The following DAB1 variants were observed in gnomAD, a reference collection of about 807,000 sequenced individuals.
DAB1 encodes the protein DAB adaptor protein 1, also known as disabled homolog 1.
A neutral mutation model predicts 64.6 loss-of-function variants in DAB1; 15 were observed. That is an observed-to-expected ratio of 0.23 (90% CI 0.16 to 0.36). The LOEUF (loss-of-function observed/expected upper bound fraction) is 0.36. DAB1 is among the 10% of genes least tolerant of loss of function. DAB1 has a pLI of 1.00. For missense variants in DAB1, 596 were observed against 706.7 expected, an observed-to-expected ratio of 0.84 and a Z score of 1.78; for synonymous variants, 235 against 251.9, an observed-to-expected ratio of 0.93 and a Z score of 0.64.
At chr1:57,166,899 T>C (rs184873091) in intron 2 of DAB1, among the ~76,000 whole-genome samples, 33 of 152,306 alleles carry the variant, frequency 2.2e-4, no homozygotes, top group African/African-American at 5.5e-4. Context: ...TGCTTTCAAA[T>C]GTGCCTGTCT....
chr1:57,046,147 G>T (rs892412902), intron 9 of DAB1, among the ~76,000 whole-genome samples: 5 of 152,200 alleles, frequency 3.3e-5, no homozygotes, highest in Admixed American at 6.5e-5. Context: ...ATAGATGCAA[G>T]CCTTACAAAA....
At chr1:58,292,494 G>T (rs1485999781) in intron 4 of DAB1, among the ~76,000 whole-genome samples, 1 of 152,094 alleles carries the variant, frequency 6.6e-6, no homozygotes, top group East Asian at 1.9e-4. Context: ...TGATAATACA[G>T]AAATAAAAAG....
chr1:57,882,100 CA>C (rs1368579539), intron 1 of DAB1, among the ~76,000 whole-genome samples: 1 of 152,004 alleles, frequency 6.6e-6, no homozygotes, highest in Non-Finnish European at 1.5e-5. Flanking sequence ...TTGTGCCACA[CA>C]GAATAGACAA....
chr1:57,666,896 G>A lies in DAB1; in HGVS notation n.552-17231C>T, dbSNP rs139965275. Among the ~76,000 whole-genome samples the A allele has an allele frequency of 2.2e-3, 335 of 151,042 alleles. 1 individual carries two copies. Among genetic ancestry groups the A allele is most frequent in the African/African-American group, 7.3e-3 (301 of 41,204 alleles). On this transcript the variant is annotated intron_variant and non_coding_transcript_variant, in intron 6 of 20. Coordinates refer to the DAB1 transcript ENST00000485760. ...GGAGGGGGAAGGGGAGAGGGAAGGG[G>A]AGGGGGAGAGAGAGAGGGAGAGGGA... is the stretch of plus-strand genomic sequence containing the variant.
At chr1:58,374,807 C>A (rs1453776942) in intron 3 of DAB1, among the ~76,000 whole-genome samples, 1 of 138,234 alleles carries the variant, frequency 7.2e-6, no homozygotes, top group Non-Finnish European at 1.6e-5. Context: ...TCTTCCTACC[C>A]ATGAGCATGG....
intron 7 of DAB1, among the ~76,000 whole-genome samples, chr1:57,558,407 C>T (rs905290690): frequency 1.2e-4 from 19 of 152,246 alleles, no homozygotes; most frequent in Non-Finnish European, 1.8e-4. Context: ...AAAGTCCCAG[C>T]GGGCCCCTAG....
At chr1:57,516,188 C>A (rs933627396) in intron 7 of DAB1, among the ~76,000 whole-genome samples, 1 of 152,124 alleles carries the variant, frequency 6.6e-6, no homozygotes, top group Non-Finnish European at 1.5e-5. Context: ...TCAGAAAAAA[C>A]ACTGCAGACA....
chr1:57,045,842 G>A (rs1648412761), intron 9 of DAB1, among the ~76,000 whole-genome samples: 1 of 152,194 alleles, frequency 6.6e-6, no homozygotes, highest in Non-Finnish European at 1.5e-5. Context: ...ATAACGATAT[G>A]CTGACAGAAC....
At chr1:57,387,227 G>T (rs74995398) in intron 1 of DAB1, 1 of 152,138 alleles carries the variant, frequency 6.6e-6, no homozygotes, top group African/African-American at 2.4e-5. Flanking sequence ...ATAAACTAGT[G>T]TGAGGATTAA....
At chr1:57,331,143 T>C (rs1488063705) in intron 1 of DAB1, among the ~76,000 whole-genome samples, 1 of 152,196 alleles carries the variant, frequency 6.6e-6, no homozygotes, top group Non-Finnish European at 1.5e-5. Context: ...TGCTATATTG[T>C]ATTTTTTTTG....
chr1:58,252,267 C>G (rs1660819965), intron 4 of DAB1, among the ~76,000 whole-genome samples: 1 of 152,172 alleles, frequency 6.6e-6, no homozygotes, highest in Admixed American at 6.5e-5. Flanking sequence ...AAAAGCTTCT[C>G]TCAGCATCTG....
chr1:58,490,734 A>G (rs1645666678), intron 3 of DAB1, among the ~76,000 whole-genome samples: 1 of 149,838 alleles, frequency 6.7e-6, no homozygotes, highest in South Asian at 2.1e-4. Flanking sequence ...TCAGACTAAC[A>G]GCGGATCTCT....
chr1:58,432,114 C>T (rs1051133416), intron 3 of DAB1, among the ~76,000 whole-genome samples: 20 of 152,158 alleles, frequency 1.3e-4, no homozygotes, highest in Admixed American at 1.1e-3. Flanking sequence ...CTTGGTTCCA[C>T]CGGCTCCTCC....
intron 6 of DAB1, among the ~76,000 whole-genome samples, chr1:57,760,431 T>C (rs1569598595): frequency 6.6e-6 from 1 of 152,114 alleles, no homozygotes; most frequent in Non-Finnish European, 1.5e-5. Context: ...TGTGGTAACT[T>C]CTGGAAACAG....
intron 3 of DAB1, among the ~76,000 whole-genome samples, chr1:58,423,377 C>T (rs975267569): frequency 2.0e-5 from 3 of 152,160 alleles, no homozygotes; most frequent in Admixed American, 1.3e-4. Context: ...AGCTGGATGG[C>T]ATTTCCTCCT....
intron 5 of DAB1, among the ~76,000 whole-genome samples, chr1:58,061,014 C>G (rs914049003): frequency 6.6e-6 from 1 of 152,184 alleles, no homozygotes; most frequent in African/African-American, 2.4e-5. Context: ...CCTGGGTCCT[C>G]AGGGCCTCCA....
At chr1:57,957,635 G>T (rs975579183) in intron 5 of DAB1, among the ~76,000 whole-genome samples, 8 of 152,278 alleles carry the variant, frequency 5.3e-5, no homozygotes, top group Non-Finnish European at 8.8e-5. Context: ...AGTGAGAAAA[G>T]CAGAATCCTG....
chr1:57,696,233 T>C (rs1646843624), intron 6 of DAB1, among the ~76,000 whole-genome samples: 1 of 152,122 alleles, frequency 6.6e-6, no homozygotes, highest in African/African-American at 2.4e-5. Flanking sequence ...TAGCCCATAA[T>C]GAATGCTTGT....
intron 9 of DAB1, among the ~76,000 whole-genome samples, chr1:57,027,562 G>C (rs1474541178): frequency 1.3e-5 from 2 of 152,106 alleles, no homozygotes; most frequent in South Asian, 4.1e-4. Context: ...CCCCCAACAG[G>C]GGGTATATTT....
Sources: gnomAD v4.1 joint callset for allele counts (sites outside exome capture counted in the v4.1 genomes callset) on GRCh38, gnomAD v4.1.1 for gene constraint, MANE v1.5 for transcripts, NCBI Gene and HGNC (gene_info 2026-07-23, HGNC 2026-07-21) for gene names.